The following ABR variants were observed in gnomAD, a reference collection of about 807,000 sequenced individuals.
The protein encoded by ABR is active breakpoint cluster region-related protein.
A neutral mutation model predicts 107.2 loss-of-function variants in ABR; 35 were observed. That is an observed-to-expected ratio of 0.33 (90% confidence interval 0.25 to 0.43). The LOEUF (loss-of-function observed/expected upper bound fraction) is 0.43, where lower values mean the gene tolerates loss of function less well. Ranked by LOEUF, ABR falls within the 20% of genes least tolerant of loss-of-function variation. ABR has a pLI of 1.00. For missense variants in ABR, 815 were observed against 1,115.2 expected, an observed-to-expected ratio of 0.73 and a Z score of 3.83; for synonymous variants, 498 against 462.0, an observed-to-expected ratio of 1.08 and a Z score of -1.00.
At chr17:1,068,339 C>T (rs892163566) in intron 9 of ABR, among the ~76,000 whole-genome samples, 12 of 152,332 alleles carry the variant, frequency 7.9e-5, no homozygotes, top group Middle Eastern at 3.4e-3. Flanking sequence ...GGGCTTGCTC[C>T]CCCTGAGCTA....
chr17:1,075,289 C>T (rs1430847842), intron 6 of ABR, among the ~76,000 whole-genome samples: 1 of 152,252 alleles, frequency 6.6e-6, no homozygotes, highest in African/African-American at 2.4e-5. Context: ...GGCCTCCTGC[C>T]GCAGGGGCAG....
At chr17:1,054,130 C>T (rs762202646) in intron 14 of ABR, among the ~76,000 whole-genome samples, 6 of 152,208 alleles carry the variant, frequency 3.9e-5, no homozygotes, top group Admixed American at 6.5e-5. Flanking sequence ...TCGGCGTCCT[C>T]GTGTGTAAAA....
chr17:1,175,181 G>T (rs1031045757), intron 1 of ABR, among the ~76,000 whole-genome samples: 1 of 152,218 alleles, frequency 6.6e-6, no homozygotes, highest in Non-Finnish European at 1.5e-5. Flanking sequence ...GGAAGCCGAG[G>T]CGGGTGGATC....
Position 1,071,310 on chromosome 17 carries a change from C to G in ABR, c.895-1220G>C, listed in dbSNP as rs945909609. ...GAATCGGCTCTCTCTGCCCAGTGGA[C>G]ACTGTCCAGGCCTGTCCCTCACCAC... is the stretch of plus-strand genomic sequence containing the variant. On this transcript the variant is annotated intron_variant, in intron 8 of 22. Coordinates refer to ENST00000302538, the MANE Select transcript of ABR (RefSeq NM_021962.5). The surrounding 1 kb of genome is among the most constrained non-coding windows in gnomAD (Gnocchi z 5.1). Among the ~76,000 whole-genome samples, 1 of 152,176 alleles carries G rather than the reference C, an allele frequency of 6.6e-6. No individual in the cohort carries two copies. Among genetic ancestry groups the G allele is most frequent in the Non-Finnish European group, 1.5e-5 (1 of 68,010 alleles).
chr17:1,184,011 G>A (rs1287105494), upstream of ABR, among the ~76,000 whole-genome samples: 1 of 151,888 alleles, frequency 6.6e-6, no homozygotes, highest in Non-Finnish European at 1.5e-5. Flanking sequence ...GGGAGTTCGA[G>A]ACCATCCTGG....
At chr17:1,135,464 G>A (rs932453359) in intron 1 of ABR, among the ~76,000 whole-genome samples, 3 of 150,602 alleles carry the variant, frequency 2.0e-5, no homozygotes, top group Non-Finnish European at 4.4e-5. Context: ...GTGATACAGA[G>A]GCTGACTGTT....
intron 1 of ABR, among the ~76,000 whole-genome samples, chr17:1,139,186 A>G (rs954933799): frequency 1.3e-5 from 2 of 152,234 alleles, no homozygotes; most frequent in Admixed American, 6.5e-5. Context: ...CTTCTTAAAC[A>G]GCGTTATCTT....
chr17:1,035,223 C>A (rs1397096120), intron 16 of ABR, among the ~76,000 whole-genome samples: 4 of 151,574 alleles, frequency 2.6e-5, no homozygotes, highest in Non-Finnish European at 5.9e-5. Flanking sequence ...GAATTCTAGT[C>A]GCTGCAGCCC....
At chr17:1,079,878 C>T (rs2036090223) in intron 5 of ABR, among the ~76,000 whole-genome samples, 1 of 151,048 alleles carries the variant, frequency 6.6e-6, no homozygotes, top group South Asian at 2.1e-4. Flanking sequence ...ACCCCAATCC[C>T]CTGCACCACA....
intron 16 of ABR, among the ~76,000 whole-genome samples, chr17:1,042,830 G>A (rs531252567): frequency 6.6e-6 from 1 of 152,356 alleles, no homozygotes; most frequent in East Asian, 1.9e-4. Flanking sequence ...TCCACGGACG[G>A]ACGGGCAGAT....
At position 1,018,167 on chromosome 17, in the gene ABR, T is replaced by C. The variant is rs9904183; in HGVS notation, c.1792-5003A>G. 9.8e-3 allele frequency among the ~76,000 whole-genome samples: 1,484 copies of C among 152,084 alleles called. 22 individuals are homozygous for C. The highest frequency in any genetic ancestry group is 0.028 in the African/African-American group (1,158 of 41,454). On this transcript the variant is annotated intron_variant, in intron 16 of 22. Transcript: ENST00000302538. ...ACGCCATTCTCCTGCCTCAGCCTCC[T>C]GAGTAGCTGGGACTACAGGCGCCCG...
intron 1 of ABR, among the ~76,000 whole-genome samples, chr17:1,217,530 A>G (rs2043034790): frequency 6.6e-6 from 1 of 152,186 alleles, no homozygotes. Context: ...CTTCACGCCA[A>G]CTTACTTGAC....
At chr17:1,137,793 G>A (rs746591065) in intron 1 of ABR, among the ~76,000 whole-genome samples, 15 of 152,038 alleles carry the variant, frequency 9.9e-5, no homozygotes, top group Non-Finnish European at 2.2e-4. Flanking sequence ...CGTAAAGCAA[G>A]GTACGCCCGC....
chr17:1,066,227 A>C (rs969945083), intron 10 of ABR, among the ~76,000 whole-genome samples: 1 of 152,210 alleles, frequency 6.6e-6, no homozygotes. Flanking sequence ...GTGGTCTGTG[A>C]ACATGACTTG....
intron 21 of ABR, among the ~76,000 whole-genome samples, chr17:1,008,894 G>C (rs2070286052): frequency 6.6e-6 from 1 of 152,220 alleles, no homozygotes; most frequent in African/African-American, 2.4e-5. Flanking sequence ...GACCTGACTA[G>C]AAAGGGTGGT....
At chr17:1,021,525 G>T (rs1221483130) in intron 16 of ABR, among the ~76,000 whole-genome samples, 1 of 152,256 alleles carries the variant, frequency 6.6e-6, no homozygotes, top group African/African-American at 2.4e-5. Context: ...TGCTTCTTCA[G>T]CCAGGTGCGG....
intron 1 of ABR, among the ~76,000 whole-genome samples, chr17:1,165,950 A>G (rs1231686981): frequency 6.6e-6 from 1 of 151,486 alleles, no homozygotes; most frequent in Non-Finnish European, 1.5e-5. Context: ...CCCTCCCCAG[A>G]GCCCACGCAG....
intron 1 of ABR, among the ~76,000 whole-genome samples, chr17:1,203,433 G>GGGGCGGGGCCCGCGGGGGC (rs1447812180): frequency 2.2e-5 from 2 of 89,846 alleles, no homozygotes; most frequent in Middle Eastern, 5.3e-3. Flanking sequence ...GGGGCCCGCG[G>GGGGCGGGGCCCGCGGGGGC]GGACGGAGTC....
At chr17:1,006,193 G>A (rs1213357205) in intron 22 of ABR, 24 bp from the exon 23 acceptor site, 72 of 1,544,238 alleles carry the variant, frequency 4.7e-5, no homozygotes, top group Admixed American at 2.9e-4. Context: ...GGAAGGCGGA[G>A]GCTGGGCTCC....
Sources: gnomAD v4.1 joint callset for allele counts (sites outside exome capture counted in the v4.1 genomes callset) on GRCh38, gnomAD v4.1.1 for gene constraint, Gnocchi (gnomAD v3.1) non-coding constraint, MANE v1.5 for transcripts, NCBI Gene and HGNC (gene_info 2026-07-23, HGNC 2026-07-21) for gene names.